Variants in LEKR1 observed in about 807,000 individuals in gnomAD.
The protein encoded by LEKR1 is leucine, glutamate and lysine rich 1.
LEKR1 carries 59 observed loss-of-function variants against 72.4 expected under a neutral mutation model. The ratio of observed to expected loss-of-function variants is 0.82; its 90% CI spans 0.66 to 1.01. LEKR1 has a LOEUF of 1.01. LEKR1 is among the 50% of genes least tolerant of loss of function. The pLI, the probability that LEKR1 is intolerant of heterozygous loss-of-function variation, is 0.00. For missense variants in LEKR1, 728 were observed against 759.2 expected (o/e 0.96, Z 0.48); for synonymous variants, 257 against 263.2 (o/e 0.98, Z 0.23).
In LEKR1 at chr3:156,947,794, A is replaced by G. The variant is rs1052499116; in HGVS notation, c.745+5080A>G. 8.6e-5 allele frequency among the ~76,000 whole-genome samples: 13 copies of G among 151,222 alleles called. No individual in the cohort carries two copies. In the Admixed American group the frequency reaches 8.6e-4, roughly 10 times the overall value. ...TTAATATTACATTGATTTGAATATG[A>G]CTTATTAGCATATTCTTTCAGGTGC... On this transcript the variant is annotated intron_variant, in intron 6 of 12. Transcript: ENST00000356539.
intron 6 of LEKR1, among the ~76,000 whole-genome samples, chr3:156,971,651 A>G (rs1044047767): frequency 2.6e-5 from 4 of 152,064 alleles, no homozygotes; most frequent in African/African-American, 9.7e-5. Flanking sequence ...CAAGAAAAAA[A>G]CAAACAACCC....
At chr3:157,031,098 G>A (rs1734573404) in intron 12 of LEKR1, among the ~76,000 whole-genome samples, 2 of 152,108 alleles carry the variant, frequency 1.3e-5, no homozygotes, top group Non-Finnish European at 2.9e-5. Context: ...GGATCATTAA[G>A]GGGGCGTTTT....
At chr3:156,858,085 T>A (rs1052433636) in intron 3 of LEKR1, among the ~76,000 whole-genome samples, 1 of 152,182 alleles carries the variant, frequency 6.6e-6, no homozygotes, top group African/African-American at 2.4e-5. Context: ...TGAGTCAGTT[T>A]TGGAAGTGTT....
intron 5 of LEKR1, among the ~76,000 whole-genome samples, chr3:156,939,104 C>T (rs557272720): frequency 6.6e-6 from 1 of 152,200 alleles, no homozygotes; most frequent in Non-Finnish European, 1.5e-5. Context: ...AATTGTGTCC[C>T]CCTCCCCAAA....
intron 2 of LEKR1, among the ~76,000 whole-genome samples, chr3:156,836,604 T>A (rs1465649386): frequency 8.5e-5 from 13 of 152,212 alleles, no homozygotes; most frequent in Admixed American, 8.5e-4. Flanking sequence ...TTAAGCTTTT[T>A]TCCCCCTCAA....
At chr3:156,888,772 A>G (rs527539354) in intron 3 of LEKR1, among the ~76,000 whole-genome samples, 8 of 152,192 alleles carry the variant, frequency 5.3e-5, no homozygotes, top group Non-Finnish European at 1.2e-4. Context: ...CAGTGTTCTC[A>G]GGTTCTTCTC....
intron 5 of LEKR1, among the ~76,000 whole-genome samples, chr3:156,932,587 C>T (rs1725323758): frequency 6.6e-6 from 1 of 151,590 alleles, no homozygotes; most frequent in South Asian, 2.1e-4. Context: ...GTGGTGCGCA[C>T]CTGTAACTCC....
chr3:156,909,655 C>A (rs1484924958), intron 3 of LEKR1, among the ~76,000 whole-genome samples: 608 of 101,548 alleles, frequency 6.0e-3, no homozygotes, highest in Middle Eastern at 0.018. Flanking sequence ...GAGTCTGTCT[C>A]AAAAAAAAAA....
intron 9 of LEKR1, among the ~76,000 whole-genome samples, chr3:157,007,196 G>A (rs1334119442): frequency 6.6e-6 from 1 of 151,702 alleles, no homozygotes; most frequent in Non-Finnish European, 1.5e-5. Flanking sequence ...GCGAGACTCT[G>A]TCTCAAAAAT....
chr3:156,897,976 G>A (rs1223831045), intron 3 of LEKR1, among the ~76,000 whole-genome samples: 18 of 150,062 alleles, frequency 1.2e-4, no homozygotes, highest in Admixed American at 1.2e-3. Context: ...AAAAGAAATT[G>A]TGGAGACCAG....
intron 2 of LEKR1, among the ~76,000 whole-genome samples, chr3:156,847,416 T>G (rs1327556094): frequency 1.3e-5 from 2 of 152,188 alleles, no homozygotes; most frequent in Non-Finnish European, 2.9e-5. Flanking sequence ...TGATAGGCCT[T>G]TTGTCAAGAA....
At chr3:156,899,311 CACAT>C in intron 3 of LEKR1, among the ~76,000 whole-genome samples, 1 of 140,270 alleles carries the variant, frequency 7.1e-6, no homozygotes, top group South Asian at 2.2e-4. Context: ...TATACATACA[CACAT>C]GTATATATAC....
chr3:157,045,428 T>C lies in LEKR1; in HGVS notation c.1757T>C (p.Leu586Pro), dbSNP rs756492876. 19 of 1,614,124 alleles carry C rather than the reference T, an allele frequency of 1.2e-5. No individual in the cohort carries two copies. The highest frequency in any genetic ancestry group is 8.5e-7 in the Non-Finnish European group (1 of 1,179,976). Residue 586 changes from leucine (L) to proline (P), a missense_variant, in exon 13 of 13, where the codon CTG becomes CCG. Leu to Pro is a moderately conservative substitution (Grantham distance 98, BLOSUM62 -3). Coordinates refer to ENST00000356539, the MANE Select transcript of LEKR1 (RefSeq NM_001004316.3). The stretch of plus-strand genomic sequence containing the variant: ...TTGAGTCAAGCCAGAGAACAGCTCC[T>C]GGAGCTCAGTAAGCTTCGTGGAAGT... Reference protein sequence around the residue: ...EALSQAREQLLELSKLRGSLP... With the variant: ...EALSQAREQLPELSKLRGSLP...
intron 12 of LEKR1, among the ~76,000 whole-genome samples, chr3:157,043,254 T>A (rs1283427662): frequency 6.6e-6 from 1 of 152,166 alleles, no homozygotes; most frequent in Non-Finnish European, 1.5e-5. Context: ...TCTTTATAAA[T>A]TGCCCAGTCT....
intron 12 of LEKR1, among the ~76,000 whole-genome samples, chr3:157,041,591 G>A (rs1482611035): frequency 6.6e-6 from 1 of 152,046 alleles, no homozygotes; most frequent in Non-Finnish European, 1.5e-5. Flanking sequence ...CCCAAGGTGT[G>A]CCTCTCCTTC....
At position 156,993,218 on chromosome 3, in the gene LEKR1, G is replaced by T. The variant is rs750972440; in HGVS notation, c.1050G>T (p.Glu350Asp). The T allele has an allele frequency of 1.2e-6, 2 of 1,612,558 alleles. No individual in the cohort carries two copies. The highest frequency in any genetic ancestry group is 2.7e-5 in the African/African-American group (2 of 74,918). ...TTAACCTTGCAGAAAATGAACTGGAGATAACCAAAACTCTTCTGAATCAGA... is the reference window on the plus strand; with the variant it reads ...TTAACCTTGCAGAAAATGAACTGGATATAACCAAAACTCTTCTGAATCAGA... ...RRINLAENELEITKTLLNQTR... is the reference protein window; with the variant it reads ...RRINLAENELDITKTLLNQTR... Residue 350 changes from glutamate to aspartate, a missense_variant, in exon 9 of 13, where the codon GAG (glutamate) becomes GAT (aspartate). Physicochemically the swap from Glu to Asp is conservative, Grantham distance 45 (BLOSUM62 2). Transcript: ENST00000356539.
At position 156,862,605 on chromosome 3, in the gene LEKR1, A is replaced by G. The variant is rs573350469; in HGVS notation, c.263+9623A>G. ...CCTCACCTTCCTTTTTCCTTTTTCT[A>G]TGTTTGTTAACTAAGGTTAGTAGCA... On this transcript the variant is annotated intron_variant, in intron 3 of 12. Transcript: ENST00000356539. 7.2e-4 allele frequency among the ~76,000 whole-genome samples: 110 copies of G among 152,000 alleles called. 1 individual carries two copies. The highest frequency in any genetic ancestry group is 1.3e-3 in the Non-Finnish European group (87 of 67,932).
At chr3:157,015,348 A>T (rs1185693472) in intron 10 of LEKR1, among the ~76,000 whole-genome samples, 2 of 152,218 alleles carry the variant, frequency 1.3e-5, no homozygotes, top group East Asian at 3.8e-4. Context: ...ACATAAAGCC[A>T]GCGACAGACA....
In LEKR1 at chr3:157,035,569, T is replaced by C. The variant is rs143402508; in HGVS notation, c.1668+7167T>C. On this transcript the variant is annotated intron_variant, in intron 12 of 12. Coordinates refer to ENST00000356539, the MANE Select transcript of LEKR1 (RefSeq NM_001004316.3). ...GTATTAATAGCCATAAAAAAAGAAATTGGAAGAGCCCCTTCTGGAGAAATG... is the reference window on the plus strand; with the variant it reads ...GTATTAATAGCCATAAAAAAAGAAACTGGAAGAGCCCCTTCTGGAGAAATG... 5.0e-3 allele frequency among the ~76,000 whole-genome samples: 757 copies of C among 152,188 alleles called. 4 individuals carry two copies. The highest frequency in any genetic ancestry group is 0.017 in the African/African-American group (712 of 41,512).
Sources: gnomAD v4.1 joint callset for allele counts (sites outside exome capture counted in the v4.1 genomes callset) on GRCh38, gnomAD v4.1.1 for gene constraint, MANE v1.5 for transcripts, NCBI Gene and HGNC (gene_info 2026-07-23, HGNC 2026-07-21) for gene names.